The following NTM variants were observed in gnomAD, a reference collection of about 807,000 sequenced individuals.
NTM encodes the protein IgLON family member 2.
A neutral mutation model predicts 42.1 loss-of-function variants in NTM; 13 were observed. That is an observed-to-expected ratio of 0.31 (90% CI 0.20 to 0.49). The LOEUF is 0.49. NTM is among the 20% of genes least tolerant of loss of function. The pLI is 0.99. For missense variants in NTM, 373 were observed against 452.8 expected, an observed-to-expected ratio of 0.82 and a Z score of 1.60; for synonymous variants, 187 against 179.2, an observed-to-expected ratio of 1.04 and a Z score of -0.35.
At chr11:131,585,366 T>G (rs1000802100) in intron 1 of NTM, among the ~76,000 whole-genome samples, 2 of 152,206 alleles carry the variant, frequency 1.3e-5, no homozygotes, top group African/African-American at 4.8e-5. Flanking sequence ...TGATTGCGAT[T>G]GACAAGTCCG....
At chr11:132,325,970 G>T (rs933578638) in intron 7 of NTM, among the ~76,000 whole-genome samples, 2 of 147,154 alleles carry the variant, frequency 1.4e-5, no homozygotes, top group Non-Finnish European at 3.0e-5. Flanking sequence ...TGAACAATGA[G>T]AACACATGGA....
At chr11:131,743,738 G>A (rs2081462804) in intron 1 of NTM, among the ~76,000 whole-genome samples, 1 of 152,212 alleles carries the variant, frequency 6.6e-6, no homozygotes. Context: ...GTGTGAAACA[G>A]TGAAAGCAGC....
intron 1 of NTM, among the ~76,000 whole-genome samples, chr11:131,530,444 G>A (rs58661177): frequency 0.019 from 2,336 of 120,610 alleles, 78 homozygotes; most frequent in African/African-American, 0.086. Context: ...AAAAAAAAAA[G>A]ACTGACCAGT....
At chr11:131,879,820 A>G (rs984080543) in intron 1 of NTM, among the ~76,000 whole-genome samples, 4 of 152,094 alleles carry the variant, frequency 2.6e-5, no homozygotes, top group Admixed American at 2.0e-4. Context: ...TCCTCTTCCT[A>G]GATTCCATAT....
intron 1 of NTM, among the ~76,000 whole-genome samples, chr11:131,824,317 A>G (rs371191602): frequency 6.6e-6 from 1 of 152,152 alleles, no homozygotes; most frequent in Non-Finnish European, 1.5e-5. Context: ...ACTTCTACAT[A>G]ATTTGGCTCC....
At chr11:132,012,847 C>A (rs2072531901) in intron 2 of NTM, among the ~76,000 whole-genome samples, 1 of 152,100 alleles carries the variant, frequency 6.6e-6, no homozygotes, top group African/African-American at 2.4e-5. Context: ...AGGAGCCATT[C>A]AGAATACGCA....
rs112797077 is a variant in NTM at position 132,288,492 on chromosome 11, T to A, written c.527-19197T>A. On this transcript the variant is annotated intron_variant, in intron 4 of 8. Coordinates refer to ENST00000683400, the MANE Select transcript of NTM (RefSeq NM_001352005.2). ...GTGCCTGTATGTTTTAATGCATACA[T>A]CAATTCATGTATAGAACACCACTTG... 1.5e-3 allele frequency among the ~76,000 whole-genome samples: 225 copies of A among 152,378 alleles called. 1 individual carries two copies. Among genetic ancestry groups the A allele is most frequent in the African/African-American group, 5.2e-3 (218 of 41,588 alleles).
chr11:131,456,791 C>T (rs1171181345), intron 1 of NTM, among the ~76,000 whole-genome samples: 2 of 152,168 alleles, frequency 1.3e-5, no homozygotes, highest in Non-Finnish European at 2.9e-5. Context: ...TTGAGGTTTA[C>T]AATTCTATTT....
chr11:132,069,540 T>C (rs1385643494), intron 2 of NTM, among the ~76,000 whole-genome samples: 1 of 148,214 alleles, frequency 6.7e-6, no homozygotes, highest in Admixed American at 6.7e-5. Context: ...AGTTAACACG[T>C]CACCCAGCCA....
intron 2 of NTM, among the ~76,000 whole-genome samples, chr11:131,929,648 A>G (rs2058377618): frequency 6.6e-6 from 1 of 152,158 alleles, no homozygotes. Flanking sequence ...ACTGTGATAC[A>G]GGACAAAGCT....
chr11:131,859,307 C>CAAG (rs1461225586), intron 1 of NTM, among the ~76,000 whole-genome samples: 1 of 152,176 alleles, frequency 6.6e-6, no homozygotes, highest in African/African-American at 2.4e-5. Flanking sequence ...ATTAAGGTTT[C>CAAG]AAGAAAGCTC....
chr11:131,527,658 A>C (rs929713312), intron 1 of NTM, among the ~76,000 whole-genome samples: 2 of 152,192 alleles, frequency 1.3e-5, no homozygotes, highest in African/African-American at 2.4e-5. Flanking sequence ...TGCTATTTCT[A>C]ACATCCCAGA....
intron 1 of NTM, among the ~76,000 whole-genome samples, chr11:131,741,162 T>TGAGAGAGAGAGA (rs71067330): frequency 6.0e-4 from 78 of 129,824 alleles, no homozygotes; most frequent in South Asian, 5.7e-3. Flanking sequence ...AAGACCCCGT[T>TGAGAGAGAGAGA]GAGAGAGAGA....
At chr11:131,887,073 T>G (rs1046988923) in intron 1 of NTM, among the ~76,000 whole-genome samples, 1 of 152,226 alleles carries the variant, frequency 6.6e-6, no homozygotes, top group African/African-American at 2.4e-5. Flanking sequence ...ACGTACAGCA[T>G]GATGACTACA....
At chr11:131,547,637 T>A (rs2054115926) in intron 1 of NTM, among the ~76,000 whole-genome samples, 1 of 152,118 alleles carries the variant, frequency 6.6e-6, no homozygotes, top group Non-Finnish European at 1.5e-5. Context: ...GTTGATTAGG[T>A]GAATGTCTGG....
intron 1 of NTM, among the ~76,000 whole-genome samples, chr11:131,433,196 A>G (rs1439362580): frequency 6.6e-6 from 1 of 151,678 alleles, no homozygotes; most frequent in African/African-American, 2.4e-5. Flanking sequence ...TAATTCTTCC[A>G]TTTTCCTAAT....
intron 2 of NTM, among the ~76,000 whole-genome samples, chr11:132,085,132 CTAATT>C (rs1234248628): frequency 5.3e-5 from 8 of 152,164 alleles, no homozygotes; most frequent in African/African-American, 1.4e-4. Flanking sequence ...TTTATCTTAT[CTAATT>C]TAAAGCAATA....
rs751042266 is a variant in NTM at position 132,335,178 on chromosome 11, T to TGCC, written c.*36_*38dup. The stretch of plus-strand genomic sequence containing the variant: ...TGCCACTTCCCCACCCGGGAAAGGC[T>TGCC]GCCGCCACCACCACCACCAACACAA... On this transcript the variant is annotated 3_prime_UTR_variant, in exon 9 of 9. Transcript: ENST00000683400. 28 of 1,608,902 alleles carry TGCC rather than the reference T, an allele frequency of 1.7e-5. No homozygotes were observed. The highest frequency in any genetic ancestry group is 2.4e-5 in the Non-Finnish European group (28 of 1,179,204).
intron 4 of NTM, among the ~76,000 whole-genome samples, chr11:132,243,855 C>G (rs1566562963): frequency 6.6e-6 from 1 of 152,194 alleles, no homozygotes; most frequent in Admixed American, 6.5e-5. Flanking sequence ...ACAGAACCCC[C>G]AGCCCTGCAG....
Sources: gnomAD v4.1 joint callset for allele counts (sites outside exome capture counted in the v4.1 genomes callset) on GRCh38, gnomAD v4.1.1 for gene constraint, MANE v1.5 for transcripts, NCBI Gene and HGNC (gene_info 2026-07-23, HGNC 2026-07-21) for gene names.